FIP1L1: variants seen among roughly 807,000 people sequenced by gnomAD.
The protein encoded by FIP1L1 is pre-mRNA 3'-end-processing factor FIP1.
In FIP1L1, 21 loss-of-function variants were observed where a neutral mutation model predicts 84.6. That is an observed-to-expected ratio of 0.25 (90% CI 0.18 to 0.36). The LOEUF is 0.36. Ranked by LOEUF, FIP1L1 falls within the 10% of genes least tolerant of loss-of-function variation. FIP1L1 has a pLI of 1.00. For missense variants in FIP1L1, 526 were observed against 751.1 expected (o/e 0.70, Z 3.50); for synonymous variants, 263 against 242.3 (o/e 1.09, Z -0.80).
At chr4:53,453,220 A>C (rs1579197394) in intron 16 of FIP1L1, 87 bp downstream of exon 16, 1 of 1,505,540 alleles carries the variant, frequency 6.6e-7, no homozygotes. Flanking sequence ...ATTTCAGTTC[A>C]CTTGGAAAAG....
At chr4:53,384,547 T>C (rs775787001) in intron 5 of FIP1L1, among the ~76,000 whole-genome samples, 16 of 152,234 alleles carry the variant, frequency 1.1e-4, no homozygotes, top group Non-Finnish European at 1.8e-4. Flanking sequence ...TTTTGCCTAA[T>C]AAAAACAATA....
chr4:53,452,441 C>A (rs1716650605), intron 15 of FIP1L1, among the ~76,000 whole-genome samples: 1 of 152,132 alleles, frequency 6.6e-6, no homozygotes, highest in Non-Finnish European at 1.5e-5. Flanking sequence ...GCCTTAGCCT[C>A]CCAAATAGCC....
At chr4:53,456,100 G>A (rs776111703) in intron 16 of FIP1L1, among the ~76,000 whole-genome samples, 1 of 152,068 alleles carries the variant, frequency 6.6e-6, no homozygotes, top group Non-Finnish European at 1.5e-5. Flanking sequence ...TGTTTCTAAT[G>A]TGGAAATGAA....
intron 13 of FIP1L1, among the ~76,000 whole-genome samples, chr4:53,434,932 C>T (rs1249927206): frequency 6.6e-6 from 1 of 152,060 alleles, no homozygotes; most frequent in Non-Finnish European, 1.5e-5. Flanking sequence ...CACTTTTATC[C>T]CTTTAATTGA....
In FIP1L1 at chr4:53,399,732, A is replaced by G. The variant is rs755626892; in HGVS notation, c.708A>G (p.Val236=). The change falls in exon 10 of 18, where the codon GTA becomes GTG. Residue 236 remains valine (V), a splice_region_variant and synonymous_variant. Transcript: ENST00000337488. ...GCTAATAACCTTTTTTTTTTAAGGT[A>G]CAGCAGGGAAGAACTGGAAACTCAG... ...IQDGRFNLFK[V]QQGRTGNSEK... 20 of 1,606,396 alleles carry G rather than the reference A, an allele frequency of 1.2e-5. No homozygotes were observed. In the Middle Eastern group the frequency reaches 5.0e-4, roughly 40 times the overall value.
intron 11 of FIP1L1, among the ~76,000 whole-genome samples, chr4:53,419,287 T>C (rs1761131370): frequency 6.6e-6 from 1 of 152,132 alleles, no homozygotes; most frequent in Non-Finnish European, 1.5e-5. Flanking sequence ...TTTAAAAAAT[T>C]CAGACCCCAG....
chr4:53,455,224 T>C (rs192255495), intron 16 of FIP1L1, among the ~76,000 whole-genome samples: 1 of 152,354 alleles, frequency 6.6e-6, no homozygotes, highest in Admixed American at 6.5e-5. Flanking sequence ...TTTCATTTTC[T>C]TAACCATTCA....
chr4:53,408,559 A>T (rs2149650871), intron 10 of FIP1L1, among the ~76,000 whole-genome samples: 1 of 152,194 alleles, frequency 6.6e-6, no homozygotes, highest in Middle Eastern at 3.4e-3. Context: ...TAGATTGGGG[A>T]AGTTCTCCTG....
chr4:53,403,474 C>G (rs1383204146), intron 10 of FIP1L1, among the ~76,000 whole-genome samples: 1 of 152,186 alleles, frequency 6.6e-6, no homozygotes, highest in East Asian at 1.9e-4. Context: ...GAAACCATTA[C>G]AATCACATTT....
At chr4:53,391,298 A>G in intron 8 of FIP1L1, 132 bp from the exon 9 acceptor site, 1 of 1,163,584 alleles carries the variant, frequency 8.6e-7, no homozygotes, top group Non-Finnish European at 1.2e-6. Flanking sequence ...TCCCTTTTAG[A>G]GTTTCGTATT....
chr4:53,435,346 G>A (rs1371727712), intron 13 of FIP1L1, among the ~76,000 whole-genome samples: 1 of 152,066 alleles, frequency 6.6e-6, no homozygotes, highest in East Asian at 1.9e-4. Flanking sequence ...ATACATCATT[G>A]ACACCACATT....
chr4:53,398,422 A>G (rs1259343467), intron 9 of FIP1L1, among the ~76,000 whole-genome samples: 1 of 152,228 alleles, frequency 6.6e-6, no homozygotes, highest in East Asian at 1.9e-4. Flanking sequence ...ATCTGACTAT[A>G]ATGGCTCAAG....
intron 15 of FIP1L1, among the ~76,000 whole-genome samples, chr4:53,447,833 T>TA (rs1491198436): frequency 1.3e-5 from 2 of 152,118 alleles, no homozygotes; most frequent in Non-Finnish European, 2.9e-5. Context: ...AATTTTACTC[T>TA]ATTTTAAATA....
intron 11 of FIP1L1, among the ~76,000 whole-genome samples, chr4:53,425,655 G>T (rs1764034387): frequency 6.6e-6 from 1 of 152,070 alleles, no homozygotes; most frequent in African/African-American, 2.4e-5. Flanking sequence ...TATGATCATT[G>T]TTGGGTATGT....
intron 13 of FIP1L1, 80 bp downstream of exon 13, chr4:53,428,263 AT>A (rs1447506779): frequency 7.4e-7 from 1 of 1,350,740 alleles, no homozygotes; most frequent in African/African-American, 1.5e-5. Context: ...AATTAAAATA[AT>A]ATCTTGATCA....
intron 13 of FIP1L1, among the ~76,000 whole-genome samples, chr4:53,428,928 C>T (rs1225811412): frequency 6.6e-6 from 1 of 152,186 alleles, no homozygotes; most frequent in African/African-American, 2.4e-5. Context: ...TGCTTGTCCT[C>T]ATCAGGGCAA....
chr4:53,422,868 C>G (rs62325218), intron 11 of FIP1L1, among the ~76,000 whole-genome samples: 19,737 of 152,070 alleles, frequency 0.13, 2,555 homozygotes, highest in African/African-American at 0.32. Context: ...GCATGTGCTA[C>G]TATGCCTAGC....
chr4:53,389,360 T>C (rs1351835497), intron 5 of FIP1L1, among the ~76,000 whole-genome samples: 1 of 152,226 alleles, frequency 6.6e-6, no homozygotes, highest in Non-Finnish European at 1.5e-5. Flanking sequence ...GGGTGTAAAC[T>C]ATTTTTCCCT....
intron 6 of FIP1L1, 47 bp from the exon 7 acceptor site, chr4:53,390,474 G>T: frequency 8.4e-7 from 1 of 1,188,724 alleles, no homozygotes; most frequent in Non-Finnish European, 1.2e-6. Flanking sequence ...GGTATCGCCT[G>T]GCTTCTTGCA....
Sources: allele counts gnomAD v4.1 joint callset (sites outside exome capture counted in the v4.1 genomes callset), GRCh38; gene constraint gnomAD v4.1.1; transcripts MANE v1.5; gene names NCBI Gene and HGNC (gene_info 2026-07-23, HGNC 2026-07-21).